The following MCM3 variants were observed in gnomAD, a reference collection of about 807,000 sequenced individuals.
MCM3 encodes the protein minichromosome maintenance complex component 3, also known as DNA replication licensing factor MCM3.
Under a neutral mutation model 91.3 loss-of-function variants are expected in MCM3, and 59 were observed. The ratio of observed to expected loss-of-function variants is 0.65; its 90% CI spans 0.52 to 0.80. The LOEUF (loss-of-function observed/expected upper bound fraction) is 0.80, where lower values mean the gene tolerates loss of function less well. Ranked by LOEUF, MCM3 falls within the 30% of genes least tolerant of loss-of-function variation. The pLI is 0.00. For synonymous variants in MCM3, 383 were observed against 379.6 expected (o/e 1.01, Z -0.10); for missense variants, 919 against 1,035.4 (o/e 0.89, Z 1.54).
chr6:52,279,427 A>C lies in MCM3; in HGVS notation c.704T>G (p.Val235Gly). Reference sequence around the variant, plus strand: ...GCAACGGTAGGTTCCCACCACCTGAACCCGGTCACCAGGCTTCGCTTTATC... The same window carrying C: ...GCAACGGTAGGTTCCCACCACCTGACCCCGGTCACCAGGCTTCGCTTTATC... ...LVDKAKPGDRVQVVGTYRCLP... is the reference protein window; with the variant it reads ...LVDKAKPGDRGQVVGTYRCLP... Residue 235 changes from valine (V) to glycine (G), a missense_variant, in exon 5 of 17, where the codon GTT becomes GGT. Around this residue, in one of 3 missense-constraint regions of MCM3, gnomAD observed 401 missense variants for 402.7 expected, o/e 1.00. Transcript: ENST00000596288. 6.2e-7 allele frequency: 1 copy of C among 1,614,106 alleles called. No individual in the cohort carries two copies.
In MCM3 at chr6:52,266,687, A is replaced by G; in HGVS notation, c.2082T>C (p.Thr694=). The stretch of plus-strand genomic sequence containing the variant: ...CCCCATCTTTGGCATCTGGCTGGCG[A>G]GTCTTCCTTCTAAAATACCCACAGC... The part of the protein sequence containing the change: ...DQEQKRKRRK[T]RQPDAKDGDS... Residue 694 remains threonine (T), a synonymous_variant, in exon 15 of 17, where the codon ACT becomes ACC. Coordinates refer to ENST00000596288, the MANE Select transcript of MCM3 (RefSeq NM_002388.6). 6.2e-7 allele frequency: 1 copy of G among 1,614,064 alleles called. No individual in the cohort carries two copies. The highest frequency in any genetic ancestry group is 8.5e-7 in the Non-Finnish European group (1 of 1,179,924).
rs1765207206 is a variant in MCM3, at chr6:52,272,377, T to G, written c.1751A>C (p.Gln584Pro). The G allele has an allele frequency of 6.2e-7, 1 of 1,614,066 alleles. No homozygotes were observed. Among genetic ancestry groups the G allele is most frequent in the African/African-American group, 1.3e-5 (1 of 74,924 alleles). The part of the protein sequence containing the change: ...VAKIIKPVLT[Q>P]ESATYIAEEY... ...TTCTGCAATGTAGGTGGCCGACTCC[T>G]GTGTCAGGACAGGCTTGATGATTTT... The change falls in exon 12 of 17, where the codon CAG becomes CCG. Residue 584 changes from glutamine (Q) to proline (P), a missense_variant. By Grantham distance (76) the Gln-to-Pro change is moderately conservative. Transcript: ENST00000596288.
In MCM3 at chr6:52,277,204, GGGT is replaced by G; in HGVS notation, c.1034-9_1034-7del. 1 of 1,611,628 alleles carries G rather than the reference GGGT, an allele frequency of 6.2e-7. No homozygotes were observed. Among genetic ancestry groups the G allele is most frequent in the Non-Finnish European group, 8.5e-7 (1 of 1,179,136 alleles). On this transcript the variant is annotated splice_polypyrimidine_tract_variant and splice_region_variant and intron_variant, in intron 7 of 16. Coordinates refer to ENST00000596288, the MANE Select transcript of MCM3 (RefSeq NM_002388.6). ...CTTGGCAACGGATGGGTCTCCTGTA[GGGT>G]GGGGGCAGTGATGACTCTCTAGGAA...
intron 4 of MCM3, among the ~76,000 whole-genome samples, chr6:52,280,073 T>A (rs1765947449): frequency 6.6e-6 from 1 of 152,204 alleles, no homozygotes; most frequent in East Asian, 1.9e-4. Context: ...AACACACCTA[T>A]ACACAACATG....
rs375931340 is a variant in MCM3 at position 52,272,287 on chromosome 6, C to T, written c.1827+14G>A. ...CCTAAGGGACCCCAAGCCTAGGCTCCCCCAGGCACTCACCCTGGCGGTGTC... is the reference window on the plus strand; with the variant it reads ...CCTAAGGGACCCCAAGCCTAGGCTCTCCCAGGCACTCACCCTGGCGGTGTC... On this transcript the variant is annotated intron_variant, in intron 12 of 16. Transcript: ENST00000596288. 1.9e-6 allele frequency: 3 copies of T among 1,612,636 alleles called. No individual in the cohort carries two copies. The highest frequency in any genetic ancestry group is 2.5e-6 in the Non-Finnish European group (3 of 1,179,020).
chr6:52,269,183 A>G lies in MCM3; in HGVS notation c.1871T>C (p.Leu624Pro). ...TARTLETLIR[L>P]ATAHAKARMS... ...GCGGGCCTTCGCATGGGCTGTGGCCAGTCGAATCAGAGTTTCCAGTGTTCG... is the reference window on the plus strand; with the variant it reads ...GCGGGCCTTCGCATGGGCTGTGGCCGGTCGAATCAGAGTTTCCAGTGTTCG... Residue 624 changes from leucine to proline, a missense_variant, in exon 13 of 17, where the codon CTG becomes CCG. Around this residue, in one of 3 missense-constraint regions of MCM3, gnomAD observed 285 missense variants for 311.4 expected, o/e 0.92. Coordinates refer to ENST00000596288, the MANE Select transcript of MCM3 (RefSeq NM_002388.6). 2 of 1,613,536 alleles carry G rather than the reference A, an allele frequency of 1.2e-6. No homozygotes were observed. Among genetic ancestry groups the G allele is most frequent in the Non-Finnish European group, 1.7e-6 (2 of 1,179,522 alleles).
chr6:52,279,706 G>A (rs1436121632), intron 4 of MCM3, 107 bp from the exon 5 acceptor site: 3 of 894,672 alleles, frequency 3.4e-6, no homozygotes, highest in East Asian at 2.4e-5. Flanking sequence ...TTATTATTCA[G>A]TAACAAAAAA....
At chr6:52,278,177 C>T (rs543964431) in intron 6 of MCM3, among the ~76,000 whole-genome samples, 1 of 150,556 alleles carries the variant, frequency 6.6e-6, no homozygotes, top group East Asian at 2.0e-4. Flanking sequence ...ATTACACTAT[C>T]AGGCCATTAT....
chr6:52,266,639 G>A lies in MCM3; in HGVS notation c.2130C>T (p.Phe710=). The A allele has an allele frequency of 1.2e-6, 2 of 1,614,152 alleles. No individual in the cohort carries two copies. Among genetic ancestry groups the A allele is most frequent in the Non-Finnish European group, 8.5e-7 (1 of 1,180,006 alleles). ...KDGDSYDPYD[F]SDTEEEMPQV... ...GAGGCATTTCCTCCTCTGTGTCACTGAAGTCATAGGGGTCGTATGAATCCC... is the reference window on the plus strand; with the variant it reads ...GAGGCATTTCCTCCTCTGTGTCACTAAAGTCATAGGGGTCGTATGAATCCC... The change falls in exon 15 of 17, where the codon TTC becomes TTT. Residue 710 remains phenylalanine, a synonymous_variant. Transcript: ENST00000596288.
chr6:52,266,678 T>C lies in MCM3; in HGVS notation c.2091A>G (p.Pro697=), dbSNP rs374390688. ...QKRKRRKTRQ[P]DAKDGDSYDP... Reference sequence around the variant, plus strand: ...CGTATGAATCCCCATCTTTGGCATCTGGCTGGCGAGTCTTCCTTCTAAAAT... The same window carrying C: ...CGTATGAATCCCCATCTTTGGCATCCGGCTGGCGAGTCTTCCTTCTAAAAT... The change falls in exon 15 of 17, where the codon CCA becomes CCG. Residue 697 remains proline (P), a synonymous_variant. Transcript: ENST00000596288. 13 of 1,614,044 alleles carry C rather than the reference T, an allele frequency of 8.1e-6. No homozygotes were observed. The African/African-American group carries it at 1.5e-4, about 18-fold the overall frequency.
At chr6:52,273,455 TAAAG>T (rs1344249388) in intron 10 of MCM3, 99 bp from the exon 11 acceptor site, 23 of 1,258,262 alleles carry the variant, frequency 1.8e-5, no homozygotes, top group Middle Eastern at 2.2e-4. Flanking sequence ...CCAAGATTCA[TAAAG>T]AAAGGGCCCA....
chr6:52,274,671 A>G lies in MCM3; in HGVS notation c.1375-755T>C, dbSNP rs916353883. ...TCCACTGTACTCCAGCTTGGGTGGC[A>G]GGGTAAGACTATGTCTCAGAAAAAA... On this transcript the variant is annotated intron_variant, in intron 9 of 16. Coordinates refer to ENST00000596288, the MANE Select transcript of MCM3 (RefSeq NM_002388.6). Among the ~76,000 whole-genome samples the G allele has an allele frequency of 2.7e-5, 4 of 150,182 alleles. 1 individual carries two copies. Among genetic ancestry groups the G allele is most frequent in the African/African-American group, 4.9e-5 (2 of 40,542 alleles).
rs1445327877 is a variant in MCM3, at chr6:52,278,834, A to G, written c.787T>C (p.Cys263Arg). 6.2e-7 allele frequency: 1 copy of G among 1,612,580 alleles called. No homozygotes were observed. The highest frequency in any genetic ancestry group is 8.5e-7 in the Non-Finnish European group (1 of 1,178,822). Reference sequence around the variant, plus strand: ...TCCTTGCTCATCTGCTTAACATTACAGGCAATCAGGACAGTCCTGGGACAA... The same window carrying G: ...TCCTTGCTCATCTGCTTAACATTACGGGCAATCAGGACAGTCCTGGGACAA... The part of the protein sequence containing the change: ...SGTFRTVLIA[C>R]NVKQMSKDAQ... The change falls in exon 6 of 17, where the codon TGT (cysteine) becomes CGT (arginine). Residue 263 changes from cysteine (C) to arginine (R), a missense_variant. Cys to Arg is a radical substitution (Grantham distance 180). This residue lies in a region of MCM3 where 401 missense variants were observed against 402.7 expected (regional missense o/e 1.00). Transcript: ENST00000596288.
At chr6:52,266,504 G>GGAGCCAAACAAACAGGAGTCC (rs1764652129) in intron 15 of MCM3, 107 bp downstream of exon 15, 1 of 1,005,960 alleles carries the variant, frequency 9.9e-7, no homozygotes, top group Admixed American at 1.9e-5. Flanking sequence ...CCCCAAGCAG[G>GGAGCCAAACAAACAGGAGTCC]GAGCCAAACA....
chr6:52,266,078 G>T lies in MCM3; in HGVS notation c.2225C>A (p.Ser742Tyr). Residue 742 changes from serine (S) to tyrosine (Y), a missense_variant, in exon 16 of 17, where the codon TCC becomes TAC. By Grantham distance (144) the Ser-to-Tyr change is moderately radical. Transcript: ENST00000596288. ...CAGGAGCAACATCCGTACTCACCTG[G>T]ATTCACTCAACTCCACTTTCTGGGA... Reference protein sequence around the residue: ...KESQKVELSESRLKAFKVALL... With the variant: ...KESQKVELSEYRLKAFKVALL... The T allele has an allele frequency of 6.2e-7, 1 of 1,613,862 alleles. No individual in the cohort carries two copies. The highest frequency in any genetic ancestry group is 8.5e-7 in the Non-Finnish European group (1 of 1,179,742).
In MCM3 at chr6:52,282,035, T is replaced by TC; in HGVS notation, c.531+9dup. On this transcript the variant is annotated intron_variant, in intron 4 of 16. Transcript: ENST00000596288. ...CCTCCAAGACAGCTCAACTGATTTA[T>TC]CCCCCTTACCTTGGTAGGATAGACA... The TC allele has an allele frequency of 6.2e-7, 1 of 1,613,372 alleles. No homozygotes were observed. Among genetic ancestry groups the TC allele is most frequent in the African/African-American group, 1.3e-5 (1 of 75,000 alleles).
At chr6:52,266,734 T>C in intron 14 of MCM3, 38 bp from the exon 15 acceptor site, 1 of 1,550,072 alleles carries the variant, frequency 6.5e-7, no homozygotes, top group Non-Finnish European at 8.9e-7. Context: ...AGAAAGAGTT[T>C]GGAGACAGAA....
chr6:52,275,028 T>C (rs1382664515), intron 9 of MCM3, among the ~76,000 whole-genome samples: 3 of 152,298 alleles, frequency 2.0e-5, no homozygotes, highest in African/African-American at 7.2e-5. Flanking sequence ...CCTCCCAAAG[T>C]GCTAGGATTA....
chr6:52,272,283 G>A lies in MCM3; in HGVS notation c.1827+18C>T. On this transcript the variant is annotated intron_variant, in intron 12 of 16. Transcript: ENST00000596288. Reference sequence around the variant, plus strand: ...TATACCTAAGGGACCCCAAGCCTAGGCTCCCCCAGGCACTCACCCTGGCGG... The same window carrying A: ...TATACCTAAGGGACCCCAAGCCTAGACTCCCCCAGGCACTCACCCTGGCGG... 6.2e-7 allele frequency: 1 copy of A among 1,610,342 alleles called. No individual in the cohort carries two copies. The highest frequency in any genetic ancestry group is 8.5e-7 in the Non-Finnish European group (1 of 1,177,506).
Sources: allele counts gnomAD v4.1 joint callset (sites outside exome capture counted in the v4.1 genomes callset), GRCh38; gene constraint gnomAD v4.1.1; regional missense constraint gnomAD v4.1.1; transcripts MANE v1.5; gene names NCBI Gene and HGNC (gene_info 2026-07-23, HGNC 2026-07-21).